KATNAL1: variants seen among roughly 807,000 people sequenced by gnomAD.
KATNAL1 encodes the protein katanin catalytic subunit A1 like 1.
In KATNAL1, 32 loss-of-function variants were observed where a neutral mutation model predicts 55.2. The ratio of observed to expected loss-of-function variants is 0.58; its 90% CI spans 0.44 to 0.78. The LOEUF (loss-of-function observed/expected upper bound fraction) is 0.78, where lower values mean the gene tolerates loss of function less well. KATNAL1 is among the 30% of genes least tolerant of loss of function. The pLI is 0.00. For missense variants in KATNAL1, 466 were observed against 600.9 expected, an observed-to-expected ratio of 0.78 and a Z score of 2.35; for synonymous variants, 193 against 193.6, an observed-to-expected ratio of 1.00 and a Z score of 0.02.
At chr13:30,210,818 C>T (rs1354160373) in intron 9 of KATNAL1, among the ~76,000 whole-genome samples, 1 of 152,048 alleles carries the variant, frequency 6.6e-6, no homozygotes, top group Non-Finnish European at 1.5e-5. Flanking sequence ...CCTGGTGTTA[C>T]AAAATTACAC....
At chr13:30,236,914 A>C (rs1290726101) in intron 6 of KATNAL1, among the ~76,000 whole-genome samples, 1 of 152,138 alleles carries the variant, frequency 6.6e-6, no homozygotes, top group African/African-American at 2.4e-5. Flanking sequence ...TCTTCATCAC[A>C]TCTGCCTGTT....
intron 3 of KATNAL1, among the ~76,000 whole-genome samples, chr13:30,277,372 G>A (rs1755814772): frequency 6.6e-6 from 1 of 152,122 alleles, no homozygotes; most frequent in Non-Finnish European, 1.5e-5. Flanking sequence ...TGAGACTAAT[G>A]TTTAGAGAGG....
At chr13:30,289,200 A>G (rs950498926) in intron 1 of KATNAL1, among the ~76,000 whole-genome samples, 1 of 152,224 alleles carries the variant, frequency 6.6e-6, no homozygotes, top group Non-Finnish European at 1.5e-5. Context: ...TAAACAACTG[A>G]GCAGTATTGG....
intron 1 of KATNAL1, among the ~76,000 whole-genome samples, chr13:30,288,409 CTG>C (rs1328916793): frequency 1.3e-5 from 2 of 152,172 alleles, no homozygotes; most frequent in Admixed American, 1.3e-4. Flanking sequence ...GCTGCTGAAA[CTG>C]TAGTTTGAAC....
chr13:30,211,103 G>C (rs978738267), intron 9 of KATNAL1, among the ~76,000 whole-genome samples: 1 of 151,698 alleles, frequency 6.6e-6, no homozygotes, highest in Admixed American at 6.5e-5. Flanking sequence ...TGGCAAATCT[G>C]CTTAGCACAG....
At chr13:30,294,827 C>T (rs1323436074) in intron 1 of KATNAL1, among the ~76,000 whole-genome samples, 2 of 152,208 alleles carry the variant, frequency 1.3e-5, no homozygotes, top group Non-Finnish European at 2.9e-5. Flanking sequence ...GAAGCCAATG[C>T]TCATTTACTA....
intron 3 of KATNAL1, among the ~76,000 whole-genome samples, chr13:30,262,912 C>T (rs1879427340): frequency 1.3e-5 from 2 of 151,940 alleles, no homozygotes; most frequent in Non-Finnish European, 2.9e-5. Flanking sequence ...CAGAGACACA[C>T]CCAAAAAAGA....
At chr13:30,231,553 T>A in intron 6 of KATNAL1, 81 bp from the exon 7 acceptor site, 3 of 863,204 alleles carry the variant, frequency 3.5e-6, no homozygotes, top group Non-Finnish European at 4.8e-6. Context: ...TTAATGTACA[T>A]TGAGATTTTT....
intron 4 of KATNAL1, among the ~76,000 whole-genome samples, chr13:30,243,634 G>C (rs1307180909): frequency 9.2e-4 from 71 of 77,508 alleles, no homozygotes; most frequent in African/African-American, 3.8e-3. Flanking sequence ...AAAAAAAAAA[G>C]CAAGGGCCAG....
chr13:30,217,219 G>A (rs866414777), intron 9 of KATNAL1, among the ~76,000 whole-genome samples: 8 of 152,174 alleles, frequency 5.3e-5, no homozygotes, highest in Non-Finnish European at 8.8e-5. Flanking sequence ...TTGGGAGGCC[G>A]AGGCGGGAGG....
chr13:30,266,873 AT>A (rs1329593468), intron 3 of KATNAL1, among the ~76,000 whole-genome samples: 3 of 152,198 alleles, frequency 2.0e-5, no homozygotes, highest in African/African-American at 7.2e-5. Flanking sequence ...CACACCAAAA[AT>A]TATACAATCC....
chr13:30,241,306 G>A (rs971500843), intron 4 of KATNAL1, among the ~76,000 whole-genome samples: 1 of 152,144 alleles, frequency 6.6e-6, no homozygotes, highest in Non-Finnish European at 1.5e-5. Flanking sequence ...CATTCTTGCA[G>A]GAACAGTTGC....
chr13:30,301,805 T>G (rs1345358368), intron 1 of KATNAL1, among the ~76,000 whole-genome samples: 5 of 152,266 alleles, frequency 3.3e-5, no homozygotes, highest in African/African-American at 1.2e-4. Context: ...TTCATAGTGC[T>G]TTGAACAGCC....
intron 3 of KATNAL1, among the ~76,000 whole-genome samples, chr13:30,270,139 C>G (rs1476863660): frequency 1.5e-5 from 2 of 136,568 alleles, no homozygotes; most frequent in Non-Finnish European, 3.3e-5. Context: ...TCTGCCCGGC[C>G]GCCCCTACTG....
chr13:30,231,506 C>G, intron 6 of KATNAL1, 34 bp from the exon 7 acceptor site: 1 of 1,405,678 alleles, frequency 7.1e-7, no homozygotes, highest in South Asian at 1.8e-5. Context: ...AATGATTTAT[C>G]AGATTAAAAA....
intron 4 of KATNAL1, among the ~76,000 whole-genome samples, chr13:30,244,499 A>G (rs1035082174): frequency 1.3e-4 from 20 of 152,218 alleles, no homozygotes; most frequent in African/African-American, 4.6e-4. Flanking sequence ...AGGAATCGCC[A>G]CACTGTCTTC....
intron 3 of KATNAL1, among the ~76,000 whole-genome samples, chr13:30,270,372 T>C: frequency 6.6e-6 from 1 of 150,988 alleles, no homozygotes; most frequent in Admixed American, 6.6e-5. Flanking sequence ...CCTCCCCTAC[T>C]GGGAAGTGAG....
chr13:30,281,111 A>C (rs1468919674), intron 2 of KATNAL1, among the ~76,000 whole-genome samples: 2 of 140,588 alleles, frequency 1.4e-5, no homozygotes, highest in African/African-American at 5.4e-5. Flanking sequence ...CAACAGAGCA[A>C]GAATCCATGT....
intron 1 of KATNAL1, among the ~76,000 whole-genome samples, chr13:30,297,433 T>C (rs956441851): frequency 2.6e-5 from 4 of 152,228 alleles, no homozygotes; most frequent in Non-Finnish European, 4.4e-5. Context: ...TACTTATACA[T>C]TGTTGGTATG....
Sources: gnomAD v4.1 joint callset for allele counts (sites outside exome capture counted in the v4.1 genomes callset) on GRCh38, gnomAD v4.1.1 for gene constraint, MANE v1.5 for transcripts, NCBI Gene and HGNC (gene_info 2026-07-23, HGNC 2026-07-21) for gene names.